ZDHHC3: variants seen among roughly 807,000 people sequenced by gnomAD.
The protein encoded by ZDHHC3 is zDHHC palmitoyltransferase 3.
ZDHHC3 carries 9 observed loss-of-function variants against 30.6 expected under a neutral mutation model. That is an observed-to-expected ratio of 0.29 (90% CI 0.18 to 0.51). The LOEUF is 0.51. ZDHHC3 is among the 20% of genes least tolerant of loss of function. The pLI, the probability that ZDHHC3 is intolerant of heterozygous loss-of-function variation, is 0.97. For synonymous variants in ZDHHC3, 136 were observed against 140.2 expected (o/e 0.97, Z 0.21); for missense variants, 246 against 384.2 (o/e 0.64, Z 3.01).
At chr3:44,945,459 G>A in intron 2 of ZDHHC3, 167 bp from the exon 3 acceptor site, 3 of 1,035,986 alleles carry the variant, frequency 2.9e-6, no homozygotes, top group South Asian at 1.7e-5. Context: ...CCAACATTAA[G>A]GAATATTTAT....
intron 1 of ZDHHC3, among the ~76,000 whole-genome samples, chr3:44,972,820 T>C (rs538628007): frequency 5.3e-5 from 8 of 152,346 alleles, no homozygotes; most frequent in Middle Eastern, 3.4e-3. Context: ...TATCTCTTTA[T>C]GCCCATAAGA....
In ZDHHC3 at chr3:44,959,131, G is replaced by T. The variant is rs537411137; in HGVS notation, c.306C>A (p.Pro102=). The T allele has an allele frequency of 1.5e-4, 239 of 1,614,016 alleles. 1 individual carries two copies. The South Asian group carries it at 2.5e-3, about 17-fold the overall frequency. ...ASHCRAMLTD[P]GAVPKGNATK... ...TCAAAACAAGCCCAGACATACTCAC[G>T]GGGTCCGTCAGCATGGCCCGGCAGT... Residue 102 remains proline (P), a splice_region_variant and synonymous_variant, in exon 2 of 7, where the codon CCC becomes CCA. Transcript: ENST00000424952. The surrounding 1 kb of genome is among the most constrained non-coding windows in gnomAD (Gnocchi z 4.3).
rs117227960 is a variant in ZDHHC3, at chr3:44,961,425, G to A, written c.-24-1965C>T. Among the ~76,000 whole-genome samples the A allele has an allele frequency of 5.3e-4, 80 of 152,286 alleles. 5 individuals carry two copies. In the East Asian group the frequency reaches 0.014, roughly 28 times the overall value. On this transcript the variant is annotated intron_variant, in intron 1 of 6. Transcript: ENST00000424952. ...TAAATAAATAACCATTTCAAGTAGA[G>A]TAAAAGTCTTGGTTCCTGGTGGTCC...
In ZDHHC3 at chr3:44,917,262, CAG is replaced by C; in HGVS notation, c.*9425_*9426del. On this transcript the variant is annotated 3_prime_UTR_variant, in exon 7 of 7. Coordinates refer to ENST00000424952, the MANE Select transcript of ZDHHC3 (RefSeq NM_001135179.2). ...GCACATGTGTGTGTAGAGCTTAATG[CAG>C]GGTCCTCTTTGAACCATGCCTGGCC... 6.5e-6 allele frequency: 1 copy of C among 154,364 alleles called. No homozygotes were observed. The highest frequency in any genetic ancestry group is 1.4e-5 in the Non-Finnish European group (1 of 69,276). The allele number at this position is 154,364 out of a possible 1,614,324, so 9.6% of individuals were successfully genotyped here. A position where few individuals can be genotyped will look rare whatever the true frequency, so the allele number is the denominator to read the frequency against.
chr3:44,922,539 G>A lies in ZDHHC3; in HGVS notation c.*4150C>T, dbSNP rs1329561718. The A allele has an allele frequency of 1.0e-6, 1 of 985,306 alleles. No homozygotes were observed. Among genetic ancestry groups the A allele is most frequent in the Non-Finnish European group, 1.2e-6 (1 of 829,936 alleles). The allele number at this position is 985,306 out of a possible 1,614,324, so 61.0% of individuals were successfully genotyped here. A position where few individuals can be genotyped will look rare whatever the true frequency, so the allele number is the denominator to read the frequency against. On this transcript the variant is annotated 3_prime_UTR_variant, in exon 7 of 7. Transcript: ENST00000424952. The stretch of plus-strand genomic sequence containing the variant: ...AGGCAGTCTCAGTGGCTTCTCCGCG[G>A]AGGGAACACGTGCCTGTCTCACAAT...
Position 44,920,735 on chromosome 3 carries a change from T to C in ZDHHC3, c.*5954A>G. 1.0e-6 allele frequency: 1 copy of C among 985,394 alleles called. No individual in the cohort carries two copies. Among genetic ancestry groups the C allele is most frequent in the Non-Finnish European group, 1.2e-6 (1 of 829,936 alleles). 61.0% of individuals were successfully genotyped at this position (985,394 alleles called of 1,614,324 possible). A position where few individuals can be genotyped will look rare whatever the true frequency, so the allele number is the denominator to read the frequency against. Reference sequence around the variant, plus strand: ...GAGCCCACAGGATGATTATTTGCCATTCATGTGGCATGCTCCCAGATAGGC... The same window carrying C: ...GAGCCCACAGGATGATTATTTGCCACTCATGTGGCATGCTCCCAGATAGGC... On this transcript the variant is annotated 3_prime_UTR_variant, in exon 7 of 7. Transcript: ENST00000424952.
At chr3:44,946,977 A>C (rs1393986254) in intron 2 of ZDHHC3, among the ~76,000 whole-genome samples, 2 of 152,338 alleles carry the variant, frequency 1.3e-5, no homozygotes, top group Non-Finnish European at 2.9e-5. Context: ...GGGAGAGATG[A>C]AAATTCCAGA....
chr3:44,960,611 C>G (rs1298527199), intron 1 of ZDHHC3, among the ~76,000 whole-genome samples: 1 of 152,244 alleles, frequency 6.6e-6, no homozygotes, highest in African/African-American at 2.4e-5. Flanking sequence ...TGTTGCATCA[C>G]CAACCAGGTT....
Position 44,925,548 on chromosome 3 carries a change from C to T in ZDHHC3, c.*1141G>A, listed in dbSNP as rs1575770459. The T allele has an allele frequency of 3.0e-6, 3 of 985,484 alleles. No individual in the cohort carries two copies. Among genetic ancestry groups the T allele is most frequent in the Non-Finnish European group, 3.6e-6 (3 of 829,954 alleles). The allele number at this position is 985,484 out of a possible 1,614,324, so 61.0% of individuals were successfully genotyped here. ...GAAAATCTATTCTGTCCCAGTGCCA[C>T]AGGCTTAGGTGTGTCTGTGGATTCT... On this transcript the variant is annotated 3_prime_UTR_variant, in exon 7 of 7. Transcript: ENST00000424952.
At chr3:44,943,676 A>G (rs1383688213) in intron 3 of ZDHHC3, among the ~76,000 whole-genome samples, 1 of 152,188 alleles carries the variant, frequency 6.6e-6, no homozygotes, top group Non-Finnish European at 1.5e-5. Context: ...AAGGGGACCA[A>G]GTGATATTTT....
chr3:44,921,212 A>C lies in ZDHHC3; in HGVS notation c.*5477T>G. 1 of 965,324 alleles carries C rather than the reference A, an allele frequency of 1.0e-6. No homozygotes were observed. Among genetic ancestry groups the C allele is most frequent in the Non-Finnish European group, 1.2e-6 (1 of 824,552 alleles). The allele number at this position is 965,324 out of a possible 1,614,324, so 59.8% of individuals were successfully genotyped here. ...ACCAACACTCCAAAATGAATGTATTAGGACTAAGGCTCCCGAGGAAGGAAG... is the reference window on the plus strand; with the variant it reads ...ACCAACACTCCAAAATGAATGTATTCGGACTAAGGCTCCCGAGGAAGGAAG... On this transcript the variant is annotated 3_prime_UTR_variant, in exon 7 of 7. Transcript: ENST00000424952.
At chr3:44,936,611 C>T (rs879528944) in intron 3 of ZDHHC3, among the ~76,000 whole-genome samples, 10 of 152,134 alleles carry the variant, frequency 6.6e-5, no homozygotes, top group Non-Finnish European at 1.3e-4. Flanking sequence ...AACCTAAATG[C>T]CCATCAACCT....
rs1700585105 is a variant in ZDHHC3, at chr3:44,921,399, T to C, written c.*5290A>G. 1 of 985,266 alleles carries C rather than the reference T, an allele frequency of 1.0e-6. No homozygotes were observed. The highest frequency in any genetic ancestry group is 1.7e-5 in the African/African-American group (1 of 57,204). 61.0% of individuals were successfully genotyped at this position (985,266 alleles called of 1,614,324 possible). On this transcript the variant is annotated 3_prime_UTR_variant, in exon 7 of 7. Coordinates refer to ENST00000424952, the MANE Select transcript of ZDHHC3 (RefSeq NM_001135179.2). Reference sequence around the variant, plus strand: ...TAACACTGTCTCTCCTCATCAGAGATTTCATACCTCTATATTGTAACCCAC... The same window carrying C: ...TAACACTGTCTCTCCTCATCAGAGACTTCATACCTCTATATTGTAACCCAC...
intron 1 of ZDHHC3, among the ~76,000 whole-genome samples, chr3:44,967,540 GA>G (rs146141569): frequency 2.6e-5 from 4 of 151,362 alleles, no homozygotes; most frequent in Non-Finnish European, 4.4e-5. Flanking sequence ...TTAATTGGGG[GA>G]AAAAAAAGAC....
chr3:44,954,933 T>G (rs1474930381), intron 2 of ZDHHC3, among the ~76,000 whole-genome samples: 1 of 152,202 alleles, frequency 6.6e-6, no homozygotes, highest in Non-Finnish European at 1.5e-5. Flanking sequence ...TAAGGGTTTC[T>G]GAGTCCAGTT....
At position 44,933,995 on chromosome 3, in the gene ZDHHC3, C is replaced by T. The variant is rs372892550; in HGVS notation, c.432-11G>A. The T allele has an allele frequency of 6.2e-7, 1 of 1,614,018 alleles. No individual in the cohort carries two copies. The highest frequency in any genetic ancestry group is 8.5e-7 in the Non-Finnish European group (1 of 1,179,954). On this transcript the variant is annotated splice_polypyrimidine_tract_variant and intron_variant, in intron 3 of 6. Coordinates refer to ENST00000424952, the MANE Select transcript of ZDHHC3 (RefSeq NM_001135179.2). ...CACCGCTTACAAACACTGAAACAGCCCACAGGTCAGACCTTTAGGGCATCC... is the reference window on the plus strand; with the variant it reads ...CACCGCTTACAAACACTGAAACAGCTCACAGGTCAGACCTTTAGGGCATCC...
chr3:44,950,505 C>T (rs1335480240), intron 2 of ZDHHC3, among the ~76,000 whole-genome samples: 1 of 152,186 alleles, frequency 6.6e-6, no homozygotes, highest in African/African-American at 2.4e-5. Flanking sequence ...CATTCAGCAG[C>T]TCAGCCTTTC....
chr3:44,925,905 T>G lies in ZDHHC3; in HGVS notation c.*784A>C. 1.0e-6 allele frequency: 1 copy of G among 985,850 alleles called. No individual in the cohort carries two copies. Among genetic ancestry groups the G allele is most frequent in the Non-Finnish European group, 1.2e-6 (1 of 829,938 alleles). 61.1% of individuals were successfully genotyped at this position (985,850 alleles called of 1,614,324 possible). A position where few individuals can be genotyped will look rare whatever the true frequency, so the allele number is the denominator to read the frequency against. On this transcript the variant is annotated 3_prime_UTR_variant, in exon 7 of 7. Coordinates refer to ENST00000424952, the MANE Select transcript of ZDHHC3 (RefSeq NM_001135179.2). ...AGATGAAACAAAGGAAAACGTAGCT[T>G]GCCTGAAATTGTGTAATTTTTTTTC...
chr3:44,935,696 G>C (rs993393862), intron 3 of ZDHHC3, among the ~76,000 whole-genome samples: 2 of 152,162 alleles, frequency 1.3e-5, no homozygotes, highest in African/African-American at 2.4e-5. Flanking sequence ...GCCAATGAGA[G>C]TTCCTGTCAA....
Sources: allele counts gnomAD v4.1 joint callset (sites outside exome capture counted in the v4.1 genomes callset), GRCh38; gene constraint gnomAD v4.1.1; non-coding constraint Gnocchi (gnomAD v3.1); transcripts MANE v1.5; gene names NCBI Gene and HGNC (gene_info 2026-07-23, HGNC 2026-07-21).